Variants in FAT3 observed in about 807,000 individuals in gnomAD.
The protein encoded by FAT3 is protocadherin Fat 3.
A neutral mutation model predicts 310.2 loss-of-function variants in FAT3; 95 were observed. The ratio of observed to expected loss-of-function variants is 0.31; its 90% CI spans 0.26 to 0.36. The LOEUF (loss-of-function observed/expected upper bound fraction) is 0.36, where lower values mean the gene tolerates loss of function less well. FAT3 is among the 10% of genes least tolerant of loss of function. FAT3 has a pLI of 1.00. For missense variants in FAT3, 5,408 were observed against 5,715.6 expected, an observed-to-expected ratio of 0.95 and a Z score of 1.74; for synonymous variants, 2,314 against 2,192.9, an observed-to-expected ratio of 1.06 and a Z score of -1.54.
intron 3 of FAT3, among the ~76,000 whole-genome samples, chr11:92,690,329 A>C (rs1018226541): frequency 3.9e-5 from 6 of 152,220 alleles, no homozygotes; most frequent in African/African-American, 1.4e-4. Flanking sequence ...TAAAGCTTCT[A>C]TTAGCATCTC....
intron 7 of FAT3, among the ~76,000 whole-genome samples, chr11:92,774,861 G>A (rs1391958168): frequency 6.6e-6 from 1 of 152,184 alleles, no homozygotes; most frequent in Non-Finnish European, 1.5e-5. Flanking sequence ...ATGTGAAAGG[G>A]CATTGAGAGC....
intron 3 of FAT3, among the ~76,000 whole-genome samples, chr11:92,566,063 G>A (rs1955428198): frequency 6.6e-6 from 1 of 152,138 alleles, no homozygotes; most frequent in Non-Finnish European, 1.5e-5. Context: ...AGGAAATAAA[G>A]GGTATTCAAT....
chr11:92,578,155 A>G (rs1169312407), intron 3 of FAT3, among the ~76,000 whole-genome samples: 1 of 152,166 alleles, frequency 6.6e-6, no homozygotes, highest in Non-Finnish European at 1.5e-5. Flanking sequence ...ATACTGAAAT[A>G]GTTCCAGAAA....
chr11:92,750,559 C>A (rs192855783), intron 4 of FAT3, among the ~76,000 whole-genome samples: 87 of 152,110 alleles, frequency 5.7e-4, no homozygotes, highest in Middle Eastern at 6.8e-3. Context: ...TCAGTCATTT[C>A]GAAGTTACAA....
chr11:92,552,039 A>G (rs1379657090), intron 3 of FAT3, among the ~76,000 whole-genome samples: 1 of 152,250 alleles, frequency 6.6e-6, no homozygotes, highest in Non-Finnish European at 1.5e-5. Flanking sequence ...AGGCAGATGG[A>G]TCAGCAATTG....
intron 2 of FAT3, among the ~76,000 whole-genome samples, chr11:92,523,530 G>A (rs1469419695): frequency 6.6e-6 from 1 of 152,140 alleles, no homozygotes; most frequent in African/African-American, 2.4e-5. Context: ...TGCTTATGCA[G>A]GGTCTATAGG....
At chr11:92,455,194 T>C (rs1003848356) in intron 2 of FAT3, among the ~76,000 whole-genome samples, 2 of 152,192 alleles carry the variant, frequency 1.3e-5, no homozygotes, top group African/African-American at 4.8e-5. Flanking sequence ...TTTCCTCAAT[T>C]CTATGATTGT....
intron 1 of FAT3, among the ~76,000 whole-genome samples, chr11:92,312,950 A>C (rs1224854529): frequency 2.0e-5 from 3 of 152,202 alleles, no homozygotes; most frequent in Non-Finnish European, 2.9e-5. Context: ...CTCAAACAAC[A>C]TGCTGATATC....
intron 3 of FAT3, among the ~76,000 whole-genome samples, chr11:92,566,992 C>G (rs1340755252): frequency 6.6e-6 from 1 of 152,116 alleles, no homozygotes; most frequent in Non-Finnish European, 1.5e-5. Flanking sequence ...GACTTCATGT[C>G]TAAAACACCA....
Position 92,800,960 on chromosome 11 carries a change from C to A in FAT3, c.7947C>A (p.Asp2649Glu). The part of the protein sequence containing the change: ...LYSEASVSVA[D>E]LLEIDPDNGW... Reference sequence around the variant, plus strand: ...GCGAGGCCTCTGTTTCAGTGGCCGACCTCCTGGAAATCGATCCTGACAATG... The same window carrying A: ...GCGAGGCCTCTGTTTCAGTGGCCGAACTCCTGGAAATCGATCCTGACAATG... The change falls in exon 10 of 28, where the codon GAC becomes GAA. Residue 2649 changes from aspartate to glutamate, a missense_variant. Physicochemically the swap from Asp to Glu is conservative, Grantham distance 45 (BLOSUM62 2). Around this residue, in one of 5 missense-constraint regions of FAT3, gnomAD observed 4,588 missense variants for 4,809.8 expected, o/e 0.95. Transcript: ENST00000525166. The A allele has an allele frequency of 6.2e-7, 1 of 1,613,226 alleles. No individual in the cohort carries two copies. The highest frequency in any genetic ancestry group is 1.1e-5 in the South Asian group (1 of 90,826).
chr11:92,337,886 G>A (rs767373974), intron 1 of FAT3, among the ~76,000 whole-genome samples: 2 of 152,102 alleles, frequency 1.3e-5, no homozygotes, highest in East Asian at 1.9e-4. Context: ...TGAAAAGCAC[G>A]TTTCTGGGCT....
intron 3 of FAT3, among the ~76,000 whole-genome samples, chr11:92,544,440 A>G (rs1452568790): frequency 1.3e-5 from 2 of 152,334 alleles, no homozygotes; most frequent in East Asian, 3.9e-4. Flanking sequence ...ACTTGATTAT[A>G]TGAATGCTTC....
At chr11:92,481,466 C>T (rs1458625841) in intron 2 of FAT3, among the ~76,000 whole-genome samples, 2 of 151,932 alleles carry the variant, frequency 1.3e-5, no homozygotes, top group Non-Finnish European at 2.9e-5. Context: ...TGAATATATG[C>T]ATTAATCTAG....
At chr11:92,476,535 A>G (rs1342105820) in intron 2 of FAT3, among the ~76,000 whole-genome samples, 2 of 152,208 alleles carry the variant, frequency 1.3e-5, no homozygotes, top group Non-Finnish European at 2.9e-5. Flanking sequence ...TGAGGCAATA[A>G]CATGAGATGC....
intron 2 of FAT3, among the ~76,000 whole-genome samples, chr11:92,437,953 A>C (rs1270655026): frequency 6.6e-6 from 1 of 152,134 alleles, no homozygotes; most frequent in Non-Finnish European, 1.5e-5. Flanking sequence ...AAGGAAGGGT[A>C]ATTGGATGAT....
chr11:92,315,477 G>GTATATATA (rs1211737478), intron 1 of FAT3, among the ~76,000 whole-genome samples: 7 of 81,642 alleles, frequency 8.6e-5, no homozygotes, highest in South Asian at 5.3e-4. Context: ...GTGTGTGTGT[G>GTATATATA]TGTATATATA....
At chr11:92,543,250 C>CT (rs1954509435) in intron 3 of FAT3, among the ~76,000 whole-genome samples, 1 of 152,052 alleles carries the variant, frequency 6.6e-6, no homozygotes, top group Non-Finnish European at 1.5e-5. Flanking sequence ...GCAATAAGTT[C>CT]TAGTGTTTTA....
chr11:92,565,768 C>G (rs1355472132), intron 3 of FAT3, among the ~76,000 whole-genome samples: 2 of 152,092 alleles, frequency 1.3e-5, no homozygotes, highest in Non-Finnish European at 2.9e-5. Flanking sequence ...AGCATATAAA[C>G]AGAGCCAAAG....
chr11:92,365,876 A>G (rs1032915586), intron 2 of FAT3, among the ~76,000 whole-genome samples: 3 of 152,202 alleles, frequency 2.0e-5, no homozygotes, highest in Non-Finnish European at 2.9e-5. Context: ...GGCTATTTCA[A>G]CTGCCATGAG....
Sources: gnomAD v4.1 joint callset for allele counts (sites outside exome capture counted in the v4.1 genomes callset) on GRCh38, gnomAD v4.1.1 for gene constraint, gnomAD v4.1.1 regional missense constraint, MANE v1.5 for transcripts, NCBI Gene and HGNC (gene_info 2026-07-23, HGNC 2026-07-21) for gene names.